Variants in RPS6KC1 observed in about 807,000 individuals in gnomAD.
RPS6KC1 encodes the protein ribosomal protein S6 kinase C1, also known as inactive ribosomal protein S6 kinase delta-1.
RPS6KC1 carries 54 observed loss-of-function variants against 103.8 expected under a neutral mutation model. The ratio of observed to expected loss-of-function variants is 0.52; its 90% confidence interval spans 0.42 to 0.65. RPS6KC1 has a LOEUF of 0.65. Among genes scored for constraint, RPS6KC1 ranks in the 30% least tolerant of loss-of-function variants. The pLI is 0.00. For synonymous variants in RPS6KC1, 439 were observed against 438.7 expected, an observed-to-expected ratio of 1.00 and a Z score of -0.01; for missense variants, 1,151 against 1,253.8, an observed-to-expected ratio of 0.92 and a Z score of 1.24.
At chr1:213,674,585 A>T in the RPS6KC1 span, among the ~76,000 whole-genome samples, 249 of 152,334 alleles carry the variant, frequency 1.6e-3, 2 homozygotes, top group African/African-American at 5.4e-3. Flanking sequence ...CGCTATTGTA[A>T]ATAGTGCTGT....
chr1:213,752,061 T>C, the RPS6KC1 span, among the ~76,000 whole-genome samples: 1 of 152,304 alleles, frequency 6.6e-6, no homozygotes, highest in South Asian at 2.1e-4. Flanking sequence ...AGTTTTAAGA[T>C]AAAATATTAT....
At chr1:213,685,988 CT>C in the RPS6KC1 span, among the ~76,000 whole-genome samples, 1 of 151,986 alleles carries the variant, frequency 6.6e-6, no homozygotes, top group Admixed American at 6.6e-5. Context: ...CTCATTAGCT[CT>C]TCCATTTTCA....
intron 8 of RPS6KC1, among the ~76,000 whole-genome samples, chr1:213,214,148 G>T (rs144760584): frequency 0.01 from 1,597 of 152,346 alleles, 30 homozygotes; most frequent in African/African-American, 0.036. Flanking sequence ...GATGACAGAT[G>T]GCACCTGGAA....
chr1:213,371,548 C>T, the RPS6KC1 span, among the ~76,000 whole-genome samples: 15 of 152,196 alleles, frequency 9.9e-5, no homozygotes, highest in African/African-American at 1.4e-4. Context: ...AGCCACTTTA[C>T]GTTCCCACCA....
intron 3 of RPS6KC1, among the ~76,000 whole-genome samples, chr1:213,089,502 C>A (rs1244628448): frequency 1.3e-5 from 2 of 151,822 alleles, no homozygotes; most frequent in African/African-American, 4.8e-5. Flanking sequence ...GCCCTTGTCA[C>A]CCAGGCTGGA....
At chr1:213,134,845 A>G (rs1359154095) in intron 6 of RPS6KC1, among the ~76,000 whole-genome samples, 1 of 152,132 alleles carries the variant, frequency 6.6e-6, no homozygotes, top group Non-Finnish European at 1.5e-5. Context: ...ACTGAAGGGC[A>G]ACTGTATAAG....
chr1:213,612,717 G>T, the RPS6KC1 span, among the ~76,000 whole-genome samples: 1 of 152,076 alleles, frequency 6.6e-6, no homozygotes, highest in South Asian at 2.1e-4. Context: ...TTGGATTCAG[G>T]CATAGCTTTT....
At chr1:213,392,900 G>A in the RPS6KC1 span, among the ~76,000 whole-genome samples, 5 of 152,324 alleles carry the variant, frequency 3.3e-5, no homozygotes, top group East Asian at 1.9e-4. Context: ...AAGTGCGGAT[G>A]TTGGTGTATG....
At chr1:213,313,931 C>T in the RPS6KC1 span, among the ~76,000 whole-genome samples, 7 of 152,008 alleles carry the variant, frequency 4.6e-5, no homozygotes, top group Admixed American at 2.6e-4. Context: ...CCAGCCTGGG[C>T]GACAGGCGGA....
chr1:213,543,575 T>C, the RPS6KC1 span, among the ~76,000 whole-genome samples: 2 of 152,200 alleles, frequency 1.3e-5, no homozygotes, highest in African/African-American at 4.8e-5. Context: ...TTCCTGCTTT[T>C]AGTCACCATC....
chr1:213,724,503 C>T, the RPS6KC1 span, among the ~76,000 whole-genome samples: 1,328 of 152,244 alleles, frequency 8.7e-3, 29 homozygotes, highest in East Asian at 0.076. Context: ...TGAGTAAGAC[C>T]GTGGCTGGCT....
chr1:213,322,846 C>CAAGTGAT, the RPS6KC1 span, among the ~76,000 whole-genome samples: 1 of 146,442 alleles, frequency 6.8e-6, no homozygotes, highest in Admixed American at 6.8e-5. Context: ...CTCCTGGGCT[C>CAAGTGAT]AAGTGATTCT....
chr1:213,630,859 T>G, the RPS6KC1 span, among the ~76,000 whole-genome samples: 2 of 152,228 alleles, frequency 1.3e-5, no homozygotes, highest in African/African-American at 4.8e-5. Flanking sequence ...CCTGTTTTCC[T>G]GGGTATAAGC....
chr1:213,148,101 T>G (rs565975303), intron 6 of RPS6KC1, among the ~76,000 whole-genome samples: 1 of 152,214 alleles, frequency 6.6e-6, no homozygotes, highest in Non-Finnish European at 1.5e-5. Flanking sequence ...TCTTGTCTCT[T>G]TAAGTTTTTC....
At chr1:213,853,965 C>A in the RPS6KC1 span, among the ~76,000 whole-genome samples, 1 of 152,186 alleles carries the variant, frequency 6.6e-6, no homozygotes. Context: ...GTGACTGGTG[C>A]GATTTCTTCC....
chr1:213,490,921 T>C, the RPS6KC1 span, among the ~76,000 whole-genome samples: 1 of 152,170 alleles, frequency 6.6e-6, no homozygotes, highest in Non-Finnish European at 1.5e-5. Flanking sequence ...ACTTTTCAGC[T>C]GGACTTTCTT....
intron 2 of RPS6KC1, 111 bp from the exon 3 acceptor site, chr1:213,077,585 G>A: frequency 1.8e-6 from 1 of 557,264 alleles, no homozygotes; most frequent in Non-Finnish European, 3.1e-6. Flanking sequence ...TTTAGGACAT[G>A]TGTTTGCCTT....
rs199577296 is a variant in RPS6KC1 at position 213,242,169 on chromosome 1, G to A, written c.2693G>A (p.Arg898Lys). ...DLDKKLALAS[R>K]FYIPEGCIQR... ...GATAAAAAATTAGCACTAGCCTCCA[G>A]GTTTTACATCCCAGAGGGCTGCATT... Residue 898 changes from arginine to lysine, a missense_variant, in exon 11 of 15, where the codon AGG becomes AAG. Coordinates refer to ENST00000366960, the MANE Select transcript of RPS6KC1 (RefSeq NM_012424.6). The A allele has an allele frequency of 6.2e-7, 1 of 1,613,928 alleles. No homozygotes were observed. Among genetic ancestry groups the A allele is most frequent in the East Asian group, 2.2e-5 (1 of 44,866 alleles).
intron 14 of RPS6KC1, among the ~76,000 whole-genome samples, chr1:213,268,919 C>T (rs1239809411): frequency 6.6e-6 from 1 of 151,474 alleles, no homozygotes; most frequent in Non-Finnish European, 1.5e-5. Context: ...GCATTTAACA[C>T]AAAAGAAGGC....
Sources: gnomAD v4.1 joint callset for allele counts (sites outside exome capture counted in the v4.1 genomes callset) on GRCh38, gnomAD v4.1.1 for gene constraint, MANE v1.5 for transcripts, NCBI Gene and HGNC (gene_info 2026-07-23, HGNC 2026-07-21) for gene names.